Variants in SHOX observed in about 807,000 individuals in gnomAD.
SHOX encodes short stature homeobox protein.
In SHOX, 12 loss-of-function variants were observed where a neutral mutation model predicts 29.6. The ratio of observed to expected loss-of-function variants is 0.41; its 90% CI spans 0.26 to 0.66. SHOX has a LOEUF of 0.66. Ranked by LOEUF, SHOX falls within the 30% of genes least tolerant of loss-of-function variation. The probability of loss-of-function intolerance (pLI) is 0.35; values close to 1 mark genes in which losing one functional copy is unlikely to be tolerated. For synonymous variants in SHOX, 214 were observed against 200.6 expected (o/e 1.07, Z -0.57); for missense variants, 499 against 437.7 (o/e 1.14, Z -1.25).
In SHOX at chrX:648,350, G is replaced by A. The variant is rs1211848812; in HGVS notation, c.*3714G>A. Among the ~76,000 whole-genome samples, 2 of 151,934 alleles carry A rather than the reference G, an allele frequency of 1.3e-5. No individual in the cohort carries two copies. Among genetic ancestry groups the A allele is most frequent in the African/African-American group, 2.4e-5 (1 of 41,316 alleles). ...AGTAGAGACAGGGTTTCAGCCTCCC[G>A]AGTAGCTGGGATTACAGGCACCTGC... On this transcript the variant is annotated 3_prime_UTR_variant, in exon 5 of 5. Transcript: ENST00000686671.
chrX:628,383 A>T (rs749309801), upstream of SHOX, among the ~76,000 whole-genome samples: 2 of 57,888 alleles, frequency 3.5e-5, no homozygotes, highest in South Asian at 1.1e-3. Context: ...CTCTCTCTCC[A>T]TCTGTCTGTC....
intron 2 of SHOX, among the ~76,000 whole-genome samples, chrX:637,980 G>A (rs764633644): frequency 2.0e-5 from 3 of 152,248 alleles, no homozygotes; most frequent in Admixed American, 2.0e-4. Flanking sequence ...AGGGGCAGGC[G>A]GTAATTTAAT....
chrX:652,615 G>T (rs1475036227), downstream of SHOX, among the ~76,000 whole-genome samples: 3 of 152,222 alleles, frequency 2.0e-5, no homozygotes, highest in East Asian at 5.8e-4. Flanking sequence ...ACCGTCCGTT[G>T]TCTGTACCGT....
chrX:654,879 G>A (rs1340671888), downstream of SHOX, among the ~76,000 whole-genome samples: 1 of 148,120 alleles, frequency 6.8e-6, no homozygotes, highest in Non-Finnish European at 1.5e-5. Context: ...GTAGAGACGA[G>A]GTTTCCCCAT....
intron 4 of SHOX, among the ~76,000 whole-genome samples, chrX:642,229 G>A (rs1288637441): frequency 2.0e-5 from 3 of 152,116 alleles, no homozygotes; most frequent in Admixed American, 1.3e-4. Context: ...CGCAGCGCCC[G>A]GCTGCGGTGC....
At chrX:635,618 C>T (rs1181338555) in intron 2 of SHOX, among the ~76,000 whole-genome samples, 1 of 152,208 alleles carries the variant, frequency 6.6e-6, no homozygotes, top group African/African-American at 2.4e-5. Flanking sequence ...ATTCACGCTG[C>T]CCCATGAGAC....
At position 649,599 on chromosome X, in the gene SHOX, GT is replaced by G. The variant is rs1471332334; in HGVS notation, c.*4964del. Among the ~76,000 whole-genome samples the G allele has an allele frequency of 1.3e-5, 2 of 152,132 alleles. No individual in the cohort carries two copies. Among genetic ancestry groups the G allele is most frequent in the African/African-American group, 4.8e-5 (2 of 41,432 alleles). Reference sequence around the variant, plus strand: ...TTCCTGCTTTCCCTGTGGCTTCCCGGTGAGCTCGCTCGCAGAGCAAGGAATA... The same window carrying G: ...TTCCTGCTTTCCCTGTGGCTTCCCGGGAGCTCGCTCGCAGAGCAAGGAATA... On this transcript the variant is annotated 3_prime_UTR_variant, in exon 5 of 5. Coordinates refer to ENST00000686671, the MANE Select transcript of SHOX (RefSeq NM_000451.4).
Position 644,777 on chromosome X carries a change from C to G in SHOX, c.*141C>G. ...CACCCCGGGAGCTCCTGCAAGAGGC[C>G]TGAGGAGGGAGGCTCCCGGGACCGT... On this transcript the variant is annotated 3_prime_UTR_variant, in exon 5 of 5. Transcript: ENST00000686671. The G allele has an allele frequency of 8.5e-7, 1 of 1,180,430 alleles. No individual in the cohort carries two copies. The highest frequency in any genetic ancestry group is 1.1e-6 in the Non-Finnish European group (1 of 909,038). The allele number at this position is 1,180,430 out of a possible 1,614,324, so 73.1% of individuals were successfully genotyped here. A position where few individuals can be genotyped will look rare whatever the true frequency, so the allele number is the denominator to read the frequency against.
chrX:634,233 G>A (rs1422118957), intron 1 of SHOX, among the ~76,000 whole-genome samples: 1 of 152,098 alleles, frequency 6.6e-6, no homozygotes, highest in African/African-American at 2.4e-5. Flanking sequence ...TCCTCCCCGT[G>A]TCCTTCCCGG....
rs35181650 is a variant in SHOX at position 641,687 on chromosome X, C to CA, written c.633+619dup. Reference sequence around the variant, plus strand: ...AGAGTGAGACTCCAAGACTCCATCTCAAAAAAAAAAAAAAAAAAATCAGGC... The same window carrying CA: ...AGAGTGAGACTCCAAGACTCCATCTCAAAAAAAAAAAAAAAAAAAATCAGGC... On this transcript the variant is annotated intron_variant, in intron 4 of 4. Transcript: ENST00000686671. 6.1e-3 allele frequency among the ~76,000 whole-genome samples: 754 copies of CA among 123,628 alleles called. 9 individuals are homozygous for CA. The highest frequency in any genetic ancestry group is 0.06 in the East Asian group (235 of 3,904). 81.1% of individuals were successfully genotyped at this position (123,628 alleles called of 152,430 possible).
chrX:655,931 A>C (rs1018709570), downstream of SHOX, among the ~76,000 whole-genome samples: 1 of 151,682 alleles, frequency 6.6e-6, no homozygotes, highest in Non-Finnish European at 1.5e-5. Flanking sequence ...TAATCTCAGC[A>C]CTCTGGGAGG....
At chrX:624,706 TTTC>T (rs1474277019) in intron 1 of SHOX, 1 of 128,026 alleles carries the variant, frequency 7.8e-6, no homozygotes, top group African/African-American at 3.0e-5. Context: ...CTTTCTTTTC[TTTC>T]TTTCTTTCTT....
In SHOX at chrX:644,608, G is replaced by A; in HGVS notation, c.851G>A (p.Arg284Gln). ...ATCGCCGACCTGCGGCTCAAGGCGC[G>A]GAAGCACGCGGAGGCCCTGGGGCTC... ...SSIADLRLKA[R>Q]KHAEALGL Residue 284 changes from arginine to glutamine, a missense_variant, in exon 5 of 5, where the codon CGG becomes CAG. Physicochemically the swap from Arg to Gln is conservative, Grantham distance 43. Transcript: ENST00000686671. 4.6e-6 allele frequency: 7 copies of A among 1,508,668 alleles called. No homozygotes were observed. The highest frequency in any genetic ancestry group is 6.2e-6 in the Non-Finnish European group (7 of 1,135,686). 93.5% of individuals were successfully genotyped at this position (1,508,668 alleles called of 1,614,324 possible). A position where few individuals can be genotyped will look rare whatever the true frequency, so the allele number is the denominator to read the frequency against.
Position 650,677 on chromosome X carries a change from A to G in SHOX, c.*6041A>G, listed in dbSNP as rs1227292121. 6.6e-6 allele frequency among the ~76,000 whole-genome samples: 1 copy of G among 151,186 alleles called. No individual in the cohort carries two copies. The highest frequency in any genetic ancestry group is 2.4e-5 in the African/African-American group (1 of 41,152). ...CCCGGGGACATAGCGAGGATGGCAC[A>G]CGGCAGCCACTCCCACGACACACAT... On this transcript the variant is annotated 3_prime_UTR_variant, in exon 5 of 5. Transcript: ENST00000686671.
intron 1 of SHOX, among the ~76,000 whole-genome samples, chrX:632,157 G>T (rs1425577263): frequency 6.6e-6 from 1 of 152,262 alleles, no homozygotes; most frequent in Admixed American, 6.5e-5. Context: ...GATGGGGCGC[G>T]AGGGGCCCCG....
chrX:624,977 C>A (rs2052489501), intron 1 of SHOX, among the ~76,000 whole-genome samples: 1 of 146,658 alleles, frequency 6.8e-6, no homozygotes, highest in Non-Finnish European at 1.5e-5. Context: ...CTTTCCTTTT[C>A]TTTTCCAGAA....
intron 5 of SHOX, among the ~76,000 whole-genome samples, chrX:657,555 C>A (rs2053164710): frequency 6.6e-6 from 1 of 152,160 alleles, no homozygotes; most frequent in African/African-American, 2.4e-5. Context: ...CTGCTCCCCC[C>A]ACACCCCCAC....
intron 1 of SHOX, among the ~76,000 whole-genome samples, chrX:624,779 T>C: frequency 7.3e-6 from 1 of 137,302 alleles, no homozygotes; most frequent in East Asian, 2.1e-4. Context: ...GTTTTGGAGC[T>C]TTCCTTTTCT....
In SHOX at chrX:630,868, C is replaced by T; in HGVS notation, c.-30C>T. On this transcript the variant is annotated 5_prime_UTR_variant, in exon 1 of 5. Coordinates refer to ENST00000686671, the MANE Select transcript of SHOX (RefSeq NM_000451.4). ...CGGGGAGACGCGCGCATCCACCAGC[C>T]CCGGCTGCTCGCCAGCCCCGGCCCC... is the stretch of plus-strand genomic sequence containing the variant. 6.2e-7 allele frequency: 1 copy of T among 1,611,992 alleles called. No individual in the cohort carries two copies. The highest frequency in any genetic ancestry group is 8.5e-7 in the Non-Finnish European group (1 of 1,179,662).
Sources: allele counts gnomAD v4.1 joint callset (sites outside exome capture counted in the v4.1 genomes callset), GRCh38; gene constraint gnomAD v4.1.1; transcripts MANE v1.5; gene names NCBI Gene and HGNC (gene_info 2026-07-23, HGNC 2026-07-21).